CFAP100: variants seen among roughly 807,000 people sequenced by gnomAD.
The protein encoded by CFAP100 is cilia and flagella associated protein 100.
Under a neutral mutation model 81.5 loss-of-function variants are expected in CFAP100, and 70 were observed. The observed-to-expected ratio is 0.86, with a 90% CI of 0.71 to 1.05. The LOEUF is 1.05. CFAP100 is among the 50% of genes least tolerant of loss of function. CFAP100 has a pLI of 0.00. For missense variants in CFAP100, 811 were observed against 776.5 expected (o/e 1.04, Z -0.53); for synonymous variants, 341 against 314.8 (o/e 1.08, Z -0.88).
At chr3:126,414,786 C>T (rs2083208771) in intron 4 of CFAP100, among the ~76,000 whole-genome samples, 1 of 152,354 alleles carries the variant, frequency 6.6e-6, no homozygotes, top group South Asian at 2.1e-4. Context: ...ACTCTTGCTG[C>T]CTTGGGCACC....
chr3:126,424,302 C>A (rs1411822826), intron 13 of CFAP100, among the ~76,000 whole-genome samples: 1 of 152,198 alleles, frequency 6.6e-6, no homozygotes, highest in Non-Finnish European at 1.5e-5. Context: ...CATCTGGCCA[C>A]CCAGGACTGG....
At chr3:126,405,820 C>G (rs1029475568) in intron 2 of CFAP100, among the ~76,000 whole-genome samples, 1 of 152,024 alleles carries the variant, frequency 6.6e-6, no homozygotes, top group Admixed American at 6.5e-5. Context: ...CAGGGTCTCA[C>G]CCTGTCACCC....
At chr3:126,422,150 T>C (rs2083342082) in intron 11 of CFAP100, among the ~76,000 whole-genome samples, 1 of 152,204 alleles carries the variant, frequency 6.6e-6, no homozygotes, top group Non-Finnish European at 1.5e-5. Flanking sequence ...ACATGGGGGC[T>C]GAAGTCCAGC....
intron 14 of CFAP100, 185 bp from the exon 15 acceptor site, chr3:126,433,991 A>T: frequency 1.7e-6 from 1 of 585,252 alleles, no homozygotes. Context: ...GGCCCGGGGG[A>T]TAGGCTGCTC....
At chr3:126,413,201 C>T (rs2083184006) in intron 3 of CFAP100, among the ~76,000 whole-genome samples, 1 of 152,136 alleles carries the variant, frequency 6.6e-6, no homozygotes, top group South Asian at 2.1e-4. Context: ...CTGCTTGTGT[C>T]CCAGTGTCTG....
intron 13 of CFAP100, among the ~76,000 whole-genome samples, chr3:126,429,090 T>TA (rs1196149630): frequency 6.4e-5 from 8 of 125,664 alleles, no homozygotes; most frequent in Non-Finnish European, 9.3e-5. Context: ...GCCTGGGTGA[T>TA]AGAGTGCGTC....
intron 2 of CFAP100, among the ~76,000 whole-genome samples, chr3:126,401,189 T>G (rs946216205): frequency 6.6e-6 from 1 of 150,452 alleles, no homozygotes. Context: ...GAGGGGAGGA[T>G]GGGGAGTTGT....
Position 126,394,964 on chromosome 3 carries a change from G to A in CFAP100, c.-74G>A, listed in dbSNP as rs1260925635. The A allele has an allele frequency of 6.6e-6, 1 of 152,422 alleles. No homozygotes were observed. The highest frequency in any genetic ancestry group is 1.9e-4 in the East Asian group (1 of 5,180). The allele number at this position is 152,422 out of a possible 1,614,324, so 9.4% of individuals were successfully genotyped here. On this transcript the variant is annotated 5_prime_UTR_variant, in exon 1 of 17. Coordinates refer to ENST00000352312, the MANE Select transcript of CFAP100 (RefSeq NM_182628.3). ...AGCGCGGAGGCTTCGGAGCGAGCCGGGGCAGTCGGGGTCGGTGGGTGCGCT... is the reference window on the plus strand; with the variant it reads ...AGCGCGGAGGCTTCGGAGCGAGCCGAGGCAGTCGGGGTCGGTGGGTGCGCT...
intron 13 of CFAP100, among the ~76,000 whole-genome samples, chr3:126,426,858 C>T (rs1045113461): frequency 2.0e-5 from 3 of 152,206 alleles, no homozygotes; most frequent in African/African-American, 7.2e-5. Flanking sequence ...CAATGGCTTT[C>T]TCATATACCA....
chr3:126,428,615 G>A (rs781426080), intron 13 of CFAP100, among the ~76,000 whole-genome samples: 18 of 152,176 alleles, frequency 1.2e-4, no homozygotes, highest in Admixed American at 1.3e-4. Context: ...ATGTGTTAGG[G>A]TGAGGTGTGT....
intron 11 of CFAP100, among the ~76,000 whole-genome samples, chr3:126,421,848 G>GTTTT (rs2083337125): frequency 6.6e-6 from 1 of 152,390 alleles, no homozygotes; most frequent in South Asian, 2.1e-4. Context: ...ACAGGCTGCT[G>GTTTT]TTAACGTTGC....
chr3:126,420,384 G>C (rs566108417), intron 11 of CFAP100, among the ~76,000 whole-genome samples, 155 bp downstream of exon 11: 2 of 152,266 alleles, frequency 1.3e-5, no homozygotes, highest in South Asian at 4.1e-4. Flanking sequence ...GTCCCAGGCC[G>C]GCCAGGAGGC....
At chr3:126,432,373 C>A (rs2107619005) in intron 13 of CFAP100, among the ~76,000 whole-genome samples, 1 of 151,730 alleles carries the variant, frequency 6.6e-6, no homozygotes. Flanking sequence ...AAAACATGTC[C>A]TCACAAAAAC....
At chr3:126,422,922 A>C (rs1279620765) in intron 11 of CFAP100, among the ~76,000 whole-genome samples, 1 of 152,016 alleles carries the variant, frequency 6.6e-6, no homozygotes, top group Non-Finnish European at 1.5e-5. Flanking sequence ...CAGGCAGGGC[A>C]GAGGGGCTGG....
At chr3:126,435,791 G>A (rs3817526) in intron 16 of CFAP100, 139 bp downstream of exon 16, 142,890 of 642,498 alleles carry the variant, frequency 0.22, 17,441 homozygotes, top group East Asian at 0.44. Context: ...GGCTGCCTTC[G>A]GAGCAAGGCC....
chr3:126,415,397 C>T (rs2083220321), intron 4 of CFAP100, among the ~76,000 whole-genome samples: 1 of 151,896 alleles, frequency 6.6e-6, no homozygotes, highest in Admixed American at 6.6e-5. Context: ...TACCCTCCCC[C>T]ACCCAGCATC....
intron 13 of CFAP100, among the ~76,000 whole-genome samples, chr3:126,430,849 A>G (rs1933191221): frequency 6.6e-6 from 1 of 151,852 alleles, no homozygotes; most frequent in Non-Finnish European, 1.5e-5. Context: ...GTTGTCTTAC[A>G]GTTCACTGGG....
At chr3:126,413,249 C>T (rs1335805116) in intron 3 of CFAP100, among the ~76,000 whole-genome samples, 1 of 152,254 alleles carries the variant, frequency 6.6e-6, no homozygotes, top group Non-Finnish European at 1.5e-5. Flanking sequence ...GCCCTCCATG[C>T]CCTTGTCCCC....
At chr3:126,432,191 A>G (rs1471397501) in intron 13 of CFAP100, among the ~76,000 whole-genome samples, 1 of 146,804 alleles carries the variant, frequency 6.8e-6, no homozygotes, top group African/African-American at 2.5e-5. Flanking sequence ...AGGCAGGAGA[A>G]TGGTGTGAAC....
Sources: allele counts gnomAD v4.1 joint callset (sites outside exome capture counted in the v4.1 genomes callset), GRCh38; gene constraint gnomAD v4.1.1; transcripts MANE v1.5; gene names NCBI Gene and HGNC (gene_info 2026-07-23, HGNC 2026-07-21).